The following GLIS3 variants were observed in gnomAD, a reference collection of about 807,000 sequenced individuals.
GLIS3 encodes GLIS family zinc finger 3, also known as zinc finger protein GLIS3.
A neutral mutation model predicts 78.6 loss-of-function variants in GLIS3; 53 were observed. The ratio of observed to expected loss-of-function variants is 0.67; its 90% confidence interval spans 0.54 to 0.85. The LOEUF (loss-of-function observed/expected upper bound fraction) is 0.85, where lower values mean the gene tolerates loss of function less well. GLIS3 is among the 40% of genes least tolerant of loss of function. The probability of loss-of-function intolerance (pLI) is 0.00; values close to 1 mark genes in which losing one functional copy is unlikely to be tolerated. For synonymous variants in GLIS3, 684 were observed against 509.9 expected (o/e 1.34, Z -4.60); for missense variants, 1,703 against 1,231.1 (o/e 1.38, Z -5.74).
intron 4 of GLIS3, among the ~76,000 whole-genome samples, chr9:4,020,757 G>C (rs1822820128): frequency 6.6e-6 from 1 of 152,318 alleles, no homozygotes; most frequent in Non-Finnish European, 1.5e-5. Context: ...ACAAGAATTA[G>C]TGTCGAGCTG....
intron 2 of GLIS3, among the ~76,000 whole-genome samples, chr9:4,184,070 GA>G (rs1033839952): frequency 4.1e-4 from 63 of 151,932 alleles, no homozygotes; most frequent in South Asian, 2.1e-4. Flanking sequence ...AACAAGCACT[GA>G]AAAAAAATTT....
intron 4 of GLIS3, among the ~76,000 whole-genome samples, chr9:3,958,383 C>T (rs905174564): frequency 3.9e-5 from 6 of 152,110 alleles, no homozygotes; most frequent in African/African-American, 1.4e-4. Context: ...AGTCATGAAT[C>T]ATTAGAGTTA....
chr9:4,014,573 A>G (rs1477780922), intron 4 of GLIS3, among the ~76,000 whole-genome samples: 1 of 152,232 alleles, frequency 6.6e-6, no homozygotes. Context: ...AAGAATTGCC[A>G]GCAATGATTA....
At chr9:4,062,272 G>C (rs770738107) in intron 4 of GLIS3, among the ~76,000 whole-genome samples, 1 of 152,186 alleles carries the variant, frequency 6.6e-6, no homozygotes, top group Non-Finnish European at 1.5e-5. Flanking sequence ...TCATGATGTT[G>C]TATAAGGTGT....
chr9:4,005,397 T>C (rs1251979619), intron 4 of GLIS3, among the ~76,000 whole-genome samples: 1 of 152,202 alleles, frequency 6.6e-6, no homozygotes, highest in Non-Finnish European at 1.5e-5. Flanking sequence ...CACACATCCA[T>C]AGATACATGT....
At chr9:4,277,297 A>AG (rs1216322553) in intron 2 of GLIS3, among the ~76,000 whole-genome samples, 9 of 152,244 alleles carry the variant, frequency 5.9e-5, no homozygotes, top group African/African-American at 2.2e-4. Flanking sequence ...GTGGCAGTGG[A>AG]GAAAAACACA....
At chr9:3,850,098 A>G (rs921341346) in intron 9 of GLIS3, among the ~76,000 whole-genome samples, 13 of 152,254 alleles carry the variant, frequency 8.5e-5, no homozygotes, top group African/African-American at 2.9e-4. Context: ...CCTTCTAATT[A>G]CAGCAGTAAT....
At chr9:4,340,074 G>T (rs1336640330) in intron 2 of GLIS3, among the ~76,000 whole-genome samples, 5 of 151,560 alleles carry the variant, frequency 3.3e-5, no homozygotes, top group Non-Finnish European at 7.4e-5. Context: ...AATTCACCAT[G>T]TCCTCACGGC....
At chr9:4,307,255 A>C (rs1201616159) in intron 4 of GLIS3, among the ~76,000 whole-genome samples, 1 of 152,160 alleles carries the variant, frequency 6.6e-6, no homozygotes, top group Non-Finnish European at 1.5e-5. Context: ...TGCCTCCATA[A>C]AGTATGCTTA....
chr9:4,265,010 C>CA (rs35733035), intron 2 of GLIS3, among the ~76,000 whole-genome samples: 21,912 of 142,900 alleles, frequency 0.15, 1,661 homozygotes, highest in African/African-American at 0.18. Flanking sequence ...ACTAAAAATA[C>CA]AAAAAAAAAA....
chr9:4,327,552 T>C (rs1374430476), intron 2 of GLIS3, among the ~76,000 whole-genome samples: 1 of 151,938 alleles, frequency 6.6e-6, no homozygotes, highest in Non-Finnish European at 1.5e-5. Context: ...TTGAAATGAA[T>C]TGGGTAGGAA....
At chr9:3,851,272 A>G (rs1173439284) in intron 9 of GLIS3, among the ~76,000 whole-genome samples, 1 of 152,178 alleles carries the variant, frequency 6.6e-6, no homozygotes, top group Non-Finnish European at 1.5e-5. Context: ...TGGGCAAGAG[A>G]AGTGTCCTAA....
chr9:3,875,763 G>A (rs537147896), intron 8 of GLIS3: 3 of 152,318 alleles, frequency 2.0e-5, no homozygotes, highest in African/African-American at 7.2e-5. Flanking sequence ...CTCCAGCTGG[G>A]AAGGCAAGGG....
the GLIS3 span, among the ~76,000 whole-genome samples, chr9:4,486,912 G>A: frequency 6.6e-6 from 1 of 151,958 alleles, no homozygotes; most frequent in Non-Finnish European, 1.5e-5. Context: ...TGCCCAGGTT[G>A]GTCTCAAACT....
At chr9:3,936,893 G>T (rs565669239) in intron 5 of GLIS3, 135 bp downstream of exon 5, 6 of 1,185,942 alleles carry the variant, frequency 5.1e-6, no homozygotes, top group South Asian at 1.3e-5. Context: ...CTTTTACCAG[G>T]CTCCACTGCT....
chr9:3,833,734 A>G (rs926710498), intron 9 of GLIS3, among the ~76,000 whole-genome samples: 1 of 152,186 alleles, frequency 6.6e-6, no homozygotes, highest in African/African-American at 2.4e-5. Flanking sequence ...TTGGCAATAA[A>G]TGTTAGTTGT....
intron 4 of GLIS3, among the ~76,000 whole-genome samples, chr9:4,072,160 G>C (rs900997346): frequency 2.6e-5 from 4 of 152,140 alleles, no homozygotes; most frequent in Non-Finnish European, 5.9e-5. Flanking sequence ...TTTTGTCTTA[G>C]GGGTCTTTCC....
intron 9 of GLIS3, among the ~76,000 whole-genome samples, chr9:3,843,002 T>G (rs917707856): frequency 2.6e-5 from 4 of 152,194 alleles, no homozygotes; most frequent in African/African-American, 9.7e-5. Context: ...TCAGTAGATA[T>G]GGATCCAGAT....
rs373139293 is a variant in GLIS3 at position 4,125,630 on chromosome 9, A to G, written c.596+104T>C. 64 of 610,404 alleles carry G rather than the reference A, an allele frequency of 1.0e-4. 1 individual carries two copies. Among genetic ancestry groups the G allele is most frequent in the Non-Finnish European group, 1.5e-4 (55 of 369,010 alleles). The allele number at this position is 610,404 out of a possible 1,614,324, so 37.8% of individuals were successfully genotyped here. A position where few individuals can be genotyped will look rare whatever the true frequency, so the allele number is the denominator to read the frequency against. ...GAGAGTTGCTTGAGTGTGTAAGTGTATGAGTGTGTGTGTGTGTGTGTGTGT... is the reference window on the plus strand; with the variant it reads ...GAGAGTTGCTTGAGTGTGTAAGTGTGTGAGTGTGTGTGTGTGTGTGTGTGT... On this transcript the variant is annotated intron_variant, in intron 3 of 10. Coordinates refer to ENST00000381971, the MANE Select transcript of GLIS3 (RefSeq NM_001042413.2).
Sources: allele counts gnomAD v4.1 joint callset (sites outside exome capture counted in the v4.1 genomes callset), GRCh38; gene constraint gnomAD v4.1.1; transcripts MANE v1.5; gene names NCBI Gene and HGNC (gene_info 2026-07-23, HGNC 2026-07-21).